The following PIK3C2A variants were observed in gnomAD, a reference collection of about 807,000 sequenced individuals.
PIK3C2A encodes the protein phosphatidylinositol 4-phosphate 3-kinase C2 domain-containing subunit alpha.
Under a neutral mutation model 204.5 loss-of-function variants are expected in PIK3C2A, and 97 were observed. That is an observed-to-expected ratio of 0.47 (90% CI 0.40 to 0.56). The LOEUF (loss-of-function observed/expected upper bound fraction) is 0.56. Among genes scored for constraint, PIK3C2A ranks in the 20% least tolerant of loss-of-function variants. PIK3C2A has a pLI of 0.00. For missense variants in PIK3C2A, 1,735 were observed against 1,969.2 expected (o/e 0.88, Z 2.25); for synonymous variants, 653 against 664.4 (o/e 0.98, Z 0.26).
At chr11:17,108,613 C>T (rs1565246103) in intron 22 of PIK3C2A, among the ~76,000 whole-genome samples, 1 of 151,936 alleles carries the variant, frequency 6.6e-6, no homozygotes, top group Non-Finnish European at 1.5e-5. Context: ...GAGTAAGATC[C>T]CATCTCTGAA....
chr11:17,177,465 A>C (rs1234768071), intron 1 of PIK3C2A, among the ~76,000 whole-genome samples: 1 of 152,190 alleles, frequency 6.6e-6, no homozygotes, highest in Non-Finnish European at 1.5e-5. Flanking sequence ...GGCTAAAATG[A>C]CTCATTAATA....
At chr11:17,144,591 T>C (rs956463189) in intron 8 of PIK3C2A, among the ~76,000 whole-genome samples, 1 of 152,038 alleles carries the variant, frequency 6.6e-6, no homozygotes, top group Non-Finnish European at 1.5e-5. Context: ...ACATGAAACA[T>C]TAATGTCAAG....
At chr11:17,172,057 T>C (rs1851188066) in intron 1 of PIK3C2A, among the ~76,000 whole-genome samples, 2 of 152,244 alleles carry the variant, frequency 1.3e-5, no homozygotes, top group Admixed American at 6.5e-5. Context: ...TTTAACTTGG[T>C]TGCCAAGACT....
chr11:17,146,725 AG>A (rs1242742922), intron 6 of PIK3C2A, among the ~76,000 whole-genome samples: 1 of 146,874 alleles, frequency 6.8e-6, no homozygotes, highest in Non-Finnish European at 1.5e-5. Context: ...TGTCTCCAAA[AG>A]AAAAAAAAAA....
intron 30 of PIK3C2A, 39 bp from the exon 31 acceptor site, chr11:17,091,695 T>C (rs1274079004): frequency 1.5e-6 from 2 of 1,319,050 alleles, no homozygotes; most frequent in African/African-American, 2.9e-5. Context: ...TTACTGGTTG[T>C]AGTGGTTCAA....
At chr11:17,102,574 C>T (rs1008393605) in intron 24 of PIK3C2A, 88 bp downstream of exon 24, 8 of 1,039,488 alleles carry the variant, frequency 7.7e-6, no homozygotes, top group East Asian at 4.9e-5. Flanking sequence ...CAAATGGAGC[C>T]GCGAGGCAAA....
intron 4 of PIK3C2A, among the ~76,000 whole-genome samples, chr11:17,149,952 T>G (rs1287508473): frequency 6.6e-6 from 1 of 152,178 alleles, no homozygotes; most frequent in African/African-American, 2.4e-5. Flanking sequence ...ATCTCATTCC[T>G]TGGTTGGAAT....
rs865825726 is a variant in PIK3C2A at position 17,169,599 on chromosome 11, A to G, written c.143T>C (p.Val48Ala). The G allele has an allele frequency of 5.6e-6, 9 of 1,613,844 alleles. No individual in the cohort carries two copies. The highest frequency in any genetic ancestry group is 5.3e-5 in the African/African-American group (4 of 74,856). ...ALAKLQKDRQ[V>A]TDNQRGFELS... is the part of the protein sequence containing the mutation. ...CTCAAAGCCTCTCTGATTGTCAGTCACTTGTCTATCCTTTTGCAGTTTTGC... is the reference window on the plus strand; with the variant it reads ...CTCAAAGCCTCTCTGATTGTCAGTCGCTTGTCTATCCTTTTGCAGTTTTGC... Residue 48 changes from valine to alanine, a missense_variant, in exon 2 of 33, where the codon GTG (valine) becomes GCG (alanine). Coordinates refer to ENST00000691414, the MANE Select transcript of PIK3C2A (RefSeq NM_002645.4).
chr11:17,127,610 A>G (rs1454217822), intron 13 of PIK3C2A, among the ~76,000 whole-genome samples: 5 of 152,174 alleles, frequency 3.3e-5, no homozygotes, highest in Admixed American at 6.6e-5. Flanking sequence ...TGCCCAGCCA[A>G]TAAATGTTAT....
chr11:17,160,906 AGTT>A (rs1850752998), intron 2 of PIK3C2A, among the ~76,000 whole-genome samples: 1 of 152,194 alleles, frequency 6.6e-6, no homozygotes, highest in Admixed American at 6.5e-5. Context: ...CAAAAAAAAC[AGTT>A]AAGTTTTGGA....
At chr11:17,092,353 C>T in intron 28 of PIK3C2A, 77 bp from the exon 29 acceptor site, 1 of 756,100 alleles carries the variant, frequency 1.3e-6, no homozygotes, top group East Asian at 2.4e-5. Context: ...TTCATATATA[C>T]TTAAAGACAA....
Position 17,086,592 on chromosome 11 carries a change from T to G in PIK3C2A, c.*3146A>C, listed in dbSNP as rs769471997. 5.3e-5 allele frequency: 8 copies of G among 152,292 alleles called. No homozygotes were observed. The highest frequency in any genetic ancestry group is 1.2e-4 in the Non-Finnish European group (8 of 68,016). 9.4% of individuals were successfully genotyped at this position (152,292 alleles called of 1,614,324 possible). A position where few individuals can be genotyped will look rare whatever the true frequency, so the allele number is the denominator to read the frequency against. ...CAGAGTTCTTTTATTCCAGAAATATTTTAATACAATCGTAGTACAGTTATG... is the reference window on the plus strand; with the variant it reads ...CAGAGTTCTTTTATTCCAGAAATATGTTAATACAATCGTAGTACAGTTATG... On this transcript the variant is annotated 3_prime_UTR_variant, in exon 33 of 33. Transcript: ENST00000691414.
At chr11:17,133,227 GTGTCCCTATGTAT>G (rs1849757701) in intron 11 of PIK3C2A, among the ~76,000 whole-genome samples, 1 of 151,864 alleles carries the variant, frequency 6.6e-6, no homozygotes, top group Non-Finnish European at 1.5e-5. Flanking sequence ...CACCTCATTA[GTGTCCCTATGTAT>G]ATTTGTGTGT....
intron 3 of PIK3C2A, 35 bp from the exon 4 acceptor site, chr11:17,150,690 T>C: frequency 6.6e-7 from 1 of 1,504,668 alleles, no homozygotes; most frequent in Non-Finnish European, 9.0e-7. Flanking sequence ...AATTCTTTTT[T>C]AAAAAAACTT....
rs376254403 is a variant in PIK3C2A at position 17,101,794 on chromosome 11, G to A, written c.3852-360C>T. Reference sequence around the variant, plus strand: ...AATTTTTTGTATTTTTAGTAGAGGCGGGGTTTCACCGTGTTAGCCAGGATG... The same window carrying A: ...AATTTTTTGTATTTTTAGTAGAGGCAGGGTTTCACCGTGTTAGCCAGGATG... On this transcript the variant is annotated intron_variant, in intron 24 of 32. Transcript: ENST00000691414. 1.7e-3 allele frequency among the ~76,000 whole-genome samples: 254 copies of A among 151,606 alleles called. 1 individual carries two copies. Among genetic ancestry groups the A allele is most frequent in the East Asian group, 0.01 (52 of 5,040 alleles).
rs1852468529 is a variant in PIK3C2A at position 17,203,858 on chromosome 11, G to C, written c.-66+3990C>G. On this transcript the variant is annotated intron_variant, in intron 1 of 32. Coordinates refer to ENST00000691414, the MANE Select transcript of PIK3C2A (RefSeq NM_002645.4). ...GAGGCCGAGGCGGGCAGATCACAAGGTCAGGAGATTGAGACCATCCTGGCT... is the reference window on the plus strand; with the variant it reads ...GAGGCCGAGGCGGGCAGATCACAAGCTCAGGAGATTGAGACCATCCTGGCT... Among the ~76,000 whole-genome samples the C allele has an allele frequency of 4.6e-5, 7 of 152,214 alleles. No individual in the cohort carries two copies. The South Asian group carries it at 1.5e-3, about 32-fold the overall frequency.
intron 12 of PIK3C2A, among the ~76,000 whole-genome samples, chr11:17,130,036 T>C (rs1399030596): frequency 6.6e-6 from 1 of 152,250 alleles, no homozygotes; most frequent in East Asian, 1.9e-4. Flanking sequence ...CTTTGAGATT[T>C]CTAGTGTCAA....
Position 17,169,178 on chromosome 11 carries a change from A to G in PIK3C2A, c.564T>C (p.Ser188=), listed in dbSNP as rs772222982. The G allele has an allele frequency of 1.2e-6, 2 of 1,613,804 alleles. No homozygotes were observed. Among genetic ancestry groups the G allele is most frequent in the Non-Finnish European group, 1.7e-6 (2 of 1,179,934 alleles). ...AGAAATATGGAGATTGTCCCGGAAG[A>G]CTTAAATATATAGGTTCTGTAGATG... The part of the protein sequence containing the change: ...TFPSTEPIYL[S]LPGQSPYFSY... The change falls in exon 2 of 33, where the codon AGT becomes AGC. Residue 188 remains serine, a synonymous_variant. Coordinates refer to ENST00000691414, the MANE Select transcript of PIK3C2A (RefSeq NM_002645.4).
At position 17,110,511 on chromosome 11, in the gene PIK3C2A, A is replaced by T. The variant is rs1848964833; in HGVS notation, c.3465T>A (p.Ile1155=). 1.2e-6 allele frequency: 2 copies of T among 1,609,904 alleles called. No individual in the cohort carries two copies. Among genetic ancestry groups the T allele is most frequent in the African/African-American group, 1.3e-5 (1 of 74,950 alleles). The change falls in exon 22 of 33, where the codon ATT becomes ATA. Residue 1155 remains isoleucine, a synonymous_variant. Transcript: ENST00000691414. ...CTTCTTTAAGCCAGATCTTATCCAT[A>T]ATCTTTATCATCTGTAAAGCTAACA... The part of the protein sequence containing the change: ...QDMLALQMIK[I]MDKIWLKEGL...
Sources: gnomAD v4.1 joint callset for allele counts (sites outside exome capture counted in the v4.1 genomes callset) on GRCh38, gnomAD v4.1.1 for gene constraint, MANE v1.5 for transcripts, NCBI Gene and HGNC (gene_info 2026-07-23, HGNC 2026-07-21) for gene names.